SLC19A2: variants seen among roughly 807,000 people sequenced by gnomAD.
SLC19A2 encodes thiamine transporter 1.
SLC19A2 carries 27 observed loss-of-function variants against 44.7 expected under a neutral mutation model. The ratio of observed to expected loss-of-function variants is 0.60; its 90% confidence interval spans 0.45 to 0.83. SLC19A2 has a LOEUF of 0.83. Among genes scored for constraint, SLC19A2 ranks in the 40% least tolerant of loss-of-function variants. The pLI, the probability that SLC19A2 is intolerant of heterozygous loss-of-function variation, is 0.00. For synonymous variants in SLC19A2, 239 were observed against 243.6 expected (o/e 0.98, Z 0.18); for missense variants, 566 against 613.7 (o/e 0.92, Z 0.82).
chr1:169,475,837 T>C (rs1004729380), intron 2 of SLC19A2, among the ~76,000 whole-genome samples: 3 of 152,136 alleles, frequency 2.0e-5, no homozygotes, highest in Admixed American at 2.0e-4. Context: ...AAGTAGTAAT[T>C]TGAGAGCTGA....
At chr1:169,475,900 C>T (rs752319124) in intron 2 of SLC19A2, among the ~76,000 whole-genome samples, 1 of 152,176 alleles carries the variant, frequency 6.6e-6, no homozygotes, top group Non-Finnish European at 1.5e-5. Context: ...TTAGATGCCA[C>T]ATTTAAACAA....
At chr1:169,478,827 TGAG>T (rs1349167370) in intron 1 of SLC19A2, among the ~76,000 whole-genome samples, 1 of 151,904 alleles carries the variant, frequency 6.6e-6, no homozygotes, top group Non-Finnish European at 1.5e-5. Context: ...CTCAGGAGGC[TGAG>T]GTGGGAGAAT....
At chr1:169,476,964 G>A (rs1477947115) in intron 2 of SLC19A2, among the ~76,000 whole-genome samples, 191 bp downstream of exon 2, 1 of 152,104 alleles carries the variant, frequency 6.6e-6, no homozygotes, top group Non-Finnish European at 1.5e-5. Flanking sequence ...AAAAATAAAT[G>A]TGTCATCCCT....
At chr1:169,468,303 TA>T (rs770374376) in intron 4 of SLC19A2, 51 bp from the exon 5 acceptor site, 2 of 1,428,794 alleles carry the variant, frequency 1.4e-6, no homozygotes, top group South Asian at 2.4e-5. Flanking sequence ...CTGGAGTACT[TA>T]TAATATTTAT....
intron 1 of SLC19A2, among the ~76,000 whole-genome samples, chr1:169,485,109 A>C (rs1658524177): frequency 6.6e-6 from 1 of 152,250 alleles, no homozygotes; most frequent in Non-Finnish European, 1.5e-5. Context: ...ATGGACAGGA[A>C]GCAGGTGAAG....
chr1:169,476,113 CTAA>C (rs1658298332), intron 2 of SLC19A2, among the ~76,000 whole-genome samples: 1 of 150,980 alleles, frequency 6.6e-6, no homozygotes, highest in South Asian at 2.1e-4. Flanking sequence ...AGCTTATAAC[CTAA>C]TAGAAACAAA....
intron 2 of SLC19A2, among the ~76,000 whole-genome samples, chr1:169,476,542 A>AAT (rs1658317319): frequency 3.9e-5 from 6 of 152,048 alleles, no homozygotes; most frequent in African/African-American, 1.4e-4. Context: ...CACATGATGA[A>AAT]ACCCCGTCTC....
chr1:169,484,249 CAACA>C (rs1284311807), intron 1 of SLC19A2, among the ~76,000 whole-genome samples: 4 of 152,186 alleles, frequency 2.6e-5, no homozygotes, highest in Non-Finnish European at 4.4e-5. Context: ...CGGAGCATTG[CAACA>C]AACAAACTGC....
chr1:169,481,922 G>A (rs1479042131), intron 1 of SLC19A2, among the ~76,000 whole-genome samples: 2 of 152,216 alleles, frequency 1.3e-5, no homozygotes, highest in Non-Finnish European at 2.9e-5. Context: ...AAAATGGCCA[G>A]GCGCAGTGGC....
At chr1:169,483,162 T>G (rs984166965) in intron 1 of SLC19A2, among the ~76,000 whole-genome samples, 1 of 152,220 alleles carries the variant, frequency 6.6e-6, no homozygotes, top group Non-Finnish European at 1.5e-5. Flanking sequence ...GAAATCTTTT[T>G]CTCCTCTCCT....
Position 169,465,811 on chromosome 1 carries a change from A to G in SLC19A2, c.*38T>C. On this transcript the variant is annotated 3_prime_UTR_variant, in exon 6 of 6. Transcript: ENST00000236137. ...AAACACATCCAGGCAGTTGCTGTGC[A>G]GAGTTCTTGCTATAAGAAGAAGCCC... The G allele has an allele frequency of 6.2e-7, 1 of 1,610,470 alleles. No individual in the cohort carries two copies. The highest frequency in any genetic ancestry group is 8.5e-7 in the Non-Finnish European group (1 of 1,177,892).
intron 1 of SLC19A2, among the ~76,000 whole-genome samples, chr1:169,480,847 T>A (rs951047913): frequency 6.6e-6 from 1 of 152,230 alleles, no homozygotes; most frequent in African/African-American, 2.4e-5. Flanking sequence ...AATGATTAAC[T>A]GCTAAGTTTT....
At chr1:169,483,617 CT>C (rs936229171) in intron 1 of SLC19A2, among the ~76,000 whole-genome samples, 24 of 152,346 alleles carry the variant, frequency 1.6e-4, no homozygotes, top group African/African-American at 5.5e-4. Context: ...TCTGTGCCCC[CT>C]GAACACACTT....
chr1:169,468,321 TA>T (rs1490629638), intron 4 of SLC19A2, 69 bp from the exon 5 acceptor site: 2 of 1,341,806 alleles, frequency 1.5e-6, no homozygotes, highest in African/African-American at 3.0e-5. Context: ...TTATTCTAAA[TA>T]AAAGTAAACA....
rs767214420 is a variant in SLC19A2, at chr1:169,477,680, G to A, written c.282C>T (p.Tyr94=). 1.9e-6 allele frequency: 3 copies of A among 1,613,894 alleles called. No individual in the cohort carries two copies. In the East Asian group the frequency reaches 6.7e-5, roughly 36 times the overall value. Residue 94 remains tyrosine, a synonymous_variant, in exon 2 of 6, where the codon TAC becomes TAT. Transcript: ENST00000236137. ...LLFPVFLATD[Y]LRYKPVVLLQ... is the part of the protein sequence containing the mutation. ...GTAGAACAACAGGTTTATAACGGAG[G>A]TAGTCTGTGGCAAGGAACACAGGAA...
chr1:169,483,453 G>T (rs796882254), intron 1 of SLC19A2, among the ~76,000 whole-genome samples: 10 of 152,272 alleles, frequency 6.6e-5, no homozygotes, highest in African/African-American at 2.4e-4. Context: ...CCATGATTTG[G>T]TGGTCCTCTG....
Position 169,465,821 on chromosome 1 carries a change from C to A in SLC19A2, c.*28G>T. Reference sequence around the variant, plus strand: ...AGGCAGTTGCTGTGCAGAGTTCTTGCTATAAGAAGAAGCCCTTCAGCAGTA... The same window carrying A: ...AGGCAGTTGCTGTGCAGAGTTCTTGATATAAGAAGAAGCCCTTCAGCAGTA... On this transcript the variant is annotated 3_prime_UTR_variant, in exon 6 of 6. Coordinates refer to ENST00000236137, the MANE Select transcript of SLC19A2 (RefSeq NM_006996.3). The A allele has an allele frequency of 1.2e-6, 2 of 1,612,338 alleles. No homozygotes were observed. Among genetic ancestry groups the A allele is most frequent in the Non-Finnish European group, 1.7e-6 (2 of 1,179,218 alleles).
intron 2 of SLC19A2, among the ~76,000 whole-genome samples, chr1:169,471,789 G>A (rs2101776553): frequency 6.6e-6 from 1 of 151,512 alleles, no homozygotes; most frequent in East Asian, 1.9e-4. Context: ...ATCAACATTA[G>A]TTAAATAAAG....
chr1:169,485,791 G>T lies in SLC19A2; in HGVS notation c.-25C>A. 6.6e-7 allele frequency: 1 copy of T among 1,514,284 alleles called. No individual in the cohort carries two copies. The highest frequency in any genetic ancestry group is 8.8e-7 in the Non-Finnish European group (1 of 1,138,334). The allele number at this position is 1,514,284 out of a possible 1,614,324, so 93.8% of individuals were successfully genotyped here. On this transcript the variant is annotated 5_prime_UTR_variant, in exon 1 of 6. Transcript: ENST00000236137. ...TCCGGGGCGCGAGGGGAGGGGACCC[G>T]GCCCGGCCCCTTCCTTCTCCTCCTC...
Sources: gnomAD v4.1 joint callset for allele counts (sites outside exome capture counted in the v4.1 genomes callset) on GRCh38, gnomAD v4.1.1 for gene constraint, MANE v1.5 for transcripts, NCBI Gene and HGNC (gene_info 2026-07-23, HGNC 2026-07-21) for gene names.